The following ROBO2 variants were observed in gnomAD, a reference collection of about 807,000 sequenced individuals.
ROBO2 encodes the protein roundabout guidance receptor 2.
ROBO2 carries 53 observed loss-of-function variants against 160.8 expected under a neutral mutation model. That is an observed-to-expected ratio of 0.33 (90% CI 0.26 to 0.41). The LOEUF (loss-of-function observed/expected upper bound fraction) is 0.41, where lower values mean the gene tolerates loss of function less well. Ranked by LOEUF, ROBO2 falls within the 10% of genes least tolerant of loss-of-function variation. The probability of loss-of-function intolerance (pLI) is 1.00; values close to 1 mark genes in which losing one functional copy is unlikely to be tolerated. For synonymous variants in ROBO2, 664 were observed against 611.7 expected, an observed-to-expected ratio of 1.09 and a Z score of -1.26; for missense variants, 1,577 against 1,722.4, an observed-to-expected ratio of 0.92 and a Z score of 1.49.
intron 2 of ROBO2, among the ~76,000 whole-genome samples, chr3:77,386,224 A>C (rs1021936949): frequency 2.0e-5 from 3 of 152,196 alleles, no homozygotes; most frequent in Non-Finnish European, 4.4e-5. Flanking sequence ...AAAGTTCAAT[A>C]ACTTTCCTAG....
chr3:77,285,197 T>G (rs1200895757), intron 2 of ROBO2, among the ~76,000 whole-genome samples: 26 of 152,216 alleles, frequency 1.7e-4, no homozygotes, highest in Admixed American at 1.7e-3. Flanking sequence ...GTTACCGGTC[T>G]TCTTGTGGGT....
chr3:76,354,517 C>T (rs996164895), intron 2 of ROBO2, among the ~76,000 whole-genome samples: 1 of 151,750 alleles, frequency 6.6e-6, no homozygotes, highest in African/African-American at 2.4e-5. Context: ...TTACTTAGAG[C>T]CCTCACTTGC....
In ROBO2 at chr3:77,240,923, G is replaced by A. The variant is rs1282558247; in HGVS notation, c.388+142583G>A. Among the ~76,000 whole-genome samples, 5 of 152,274 alleles carry A rather than the reference G, an allele frequency of 3.3e-5. No individual in the cohort carries two copies. The South Asian group carries it at 6.2e-4, about 19-fold the overall frequency. On this transcript the variant is annotated intron_variant, in intron 2 of 25. Transcript: ENST00000461745. ...AAACACACAATGAAAATGAGCATCA[G>A]CCTCCAGTAATTCTAAATTTTATCT...
chr3:77,368,141 G>A (rs1008775878), intron 2 of ROBO2, among the ~76,000 whole-genome samples: 1 of 151,748 alleles, frequency 6.6e-6, no homozygotes, highest in Non-Finnish European at 1.5e-5. Context: ...GTTTTTCAAG[G>A]GCTTAATTTA....
chr3:76,479,650 A>G (rs1489879831), intron 2 of ROBO2, among the ~76,000 whole-genome samples: 1 of 152,174 alleles, frequency 6.6e-6, no homozygotes, highest in Non-Finnish European at 1.5e-5. Context: ...TTTTATTACA[A>G]CTGAGGAAAA....
intron 4 of ROBO2, among the ~76,000 whole-genome samples, chr3:77,491,557 A>G (rs997820244): frequency 6.6e-6 from 1 of 152,164 alleles, no homozygotes; most frequent in Non-Finnish European, 1.5e-5. Context: ...TGCCAGCCCC[A>G]AAATAGCTGT....
intron 2 of ROBO2, among the ~76,000 whole-genome samples, chr3:76,388,763 GTCTTTCCATCATCCATTCA>G (rs2077013028): frequency 6.6e-6 from 1 of 151,458 alleles, no homozygotes; most frequent in African/African-American, 2.4e-5. Flanking sequence ...GTTTTTATGC[GTCTTTCCATCATCCATTCA>G]TCTTTCCATC....
intron 2 of ROBO2, among the ~76,000 whole-genome samples, chr3:76,224,265 T>TGTG (rs937637656): frequency 6.6e-6 from 1 of 152,156 alleles, no homozygotes; most frequent in Non-Finnish European, 1.5e-5. Context: ...GAAAGACAGT[T>TGTG]GTGTAATTCA....
intron 6 of ROBO2, among the ~76,000 whole-genome samples, chr3:77,543,437 G>A (rs906879560): frequency 1.3e-5 from 2 of 152,160 alleles, no homozygotes; most frequent in African/African-American, 2.4e-5. Flanking sequence ...ATGCATAGAT[G>A]CGGTCATTTG....
At chr3:76,102,137 T>C (rs1017235283) in intron 2 of ROBO2, among the ~76,000 whole-genome samples, 1 of 152,134 alleles carries the variant, frequency 6.6e-6, no homozygotes, top group African/African-American at 2.4e-5. Context: ...AGCTGCATCG[T>C]TTAATGTAGG....
At chr3:77,454,444 C>A (rs186514276) in intron 2 of ROBO2, among the ~76,000 whole-genome samples, 159 of 152,202 alleles carry the variant, frequency 1.0e-3, no homozygotes, top group African/African-American at 3.4e-3. Flanking sequence ...TGATTGCACC[C>A]TAGGTGTTAT....
At chr3:76,979,653 G>T (rs1056101847) in intron 2 of ROBO2, among the ~76,000 whole-genome samples, 1 of 150,684 alleles carries the variant, frequency 6.6e-6, no homozygotes, top group African/African-American at 2.4e-5. Context: ...TTTCCTTTGG[G>T]TAGACACTCA....
rs866967842 is a variant in ROBO2 at position 75,913,191 on chromosome 3, G to A, written c.-14+6231G>A. On this transcript the variant is annotated intron_variant, in intron 1 of 26. Transcript: ENST00000487694. ...TGCTTTTATTTCTGTTCCTTTCTCC[G>A]CATTGTCTCCTCCTTTAACTTTGAG... is the stretch of plus-strand genomic sequence containing the variant. Among the ~76,000 whole-genome samples the A allele has an allele frequency of 4.6e-5, 7 of 152,008 alleles. No individual in the cohort carries two copies. The East Asian group carries it at 5.8e-4, about 13-fold the overall frequency.
At chr3:75,920,577 T>A (rs1946993708) in intron 1 of ROBO2, among the ~76,000 whole-genome samples, 1 of 152,178 alleles carries the variant, frequency 6.6e-6, no homozygotes, top group South Asian at 2.1e-4. Flanking sequence ...CAAGTCTGAA[T>A]ATCCTTGTTA....
chr3:76,415,710 G>A (rs2075728978), intron 2 of ROBO2, among the ~76,000 whole-genome samples: 1 of 152,080 alleles, frequency 6.6e-6, no homozygotes, highest in African/African-American at 2.4e-5. Context: ...TTATAAATAT[G>A]CGTAGGTATA....
rs191155367 is a variant in ROBO2, at chr3:77,339,702, A to G, written c.389-137712A>G. On this transcript the variant is annotated intron_variant, in intron 2 of 25. Coordinates refer to ENST00000461745, the Ensembl canonical transcript of ROBO2. ...TCCCTTTCATAGAACTAAAACATAC[A>G]TCTACAGGGAATGATGACCTTCTCA... 3.8e-4 allele frequency among the ~76,000 whole-genome samples: 58 copies of G among 152,174 alleles called. No homozygotes were observed. In the East Asian group the frequency reaches 4.6e-3, roughly 12 times the overall value.
At chr3:76,511,090 G>T (rs1488954969) in intron 2 of ROBO2, among the ~76,000 whole-genome samples, 3 of 152,146 alleles carry the variant, frequency 2.0e-5, no homozygotes, top group African/African-American at 7.2e-5. Context: ...TAATGCTGAT[G>T]AACTATCACT....
intron 23 of ROBO2, among the ~76,000 whole-genome samples, chr3:77,625,520 G>A (rs1432781141): frequency 6.6e-6 from 1 of 151,986 alleles, no homozygotes; most frequent in African/African-American, 2.4e-5. Flanking sequence ...TGGGACTACA[G>A]ACGCCCACCA....
At chr3:76,750,483 A>G (rs538089293) in intron 2 of ROBO2, among the ~76,000 whole-genome samples, 99 of 152,012 alleles carry the variant, frequency 6.5e-4, no homozygotes, top group African/African-American at 2.2e-3. Context: ...AGGGTATTCA[A>G]TTAGGAAAAG....
Sources: allele counts gnomAD v4.1 joint callset (sites outside exome capture counted in the v4.1 genomes callset), GRCh38; gene constraint gnomAD v4.1.1; transcripts MANE v1.5; gene names NCBI Gene and HGNC (gene_info 2026-07-23, HGNC 2026-07-21).